Variants in WDR91 observed in about 807,000 individuals in gnomAD.
The protein encoded by WDR91 is WD repeat-containing protein 91.
A neutral mutation model predicts 88.4 loss-of-function variants in WDR91; 52 were observed. That is an observed-to-expected ratio of 0.59 (90% CI 0.47 to 0.74). The LOEUF (loss-of-function observed/expected upper bound fraction) is 0.74. Ranked by LOEUF, WDR91 falls within the 30% of genes least tolerant of loss-of-function variation. The probability of loss-of-function intolerance (pLI) is 0.00; values close to 1 mark genes in which losing one functional copy is unlikely to be tolerated. For synonymous variants in WDR91, 362 were observed against 389.5 expected, an observed-to-expected ratio of 0.93 and a Z score of 0.83; for missense variants, 824 against 954.5, an observed-to-expected ratio of 0.86 and a Z score of 1.80.
chr7:135,193,193 T>C (rs770541779), intron 11 of WDR91, 38 bp downstream of exon 11: 25 of 1,606,740 alleles, frequency 1.6e-5, no homozygotes, highest in Admixed American at 3.4e-5. Flanking sequence ...ACAGAGTGTG[T>C]GCCTGGCCCC....
rs114796975 is a variant in WDR91 at position 135,203,589 on chromosome 7, A to C, written c.891+679T>G. On this transcript the variant is annotated intron_variant, in intron 6 of 14. Coordinates refer to ENST00000354475, the MANE Select transcript of WDR91 (RefSeq NM_014149.4). ...ATCCTTTGCAGAATCAGCAAATACC[A>C]ACTTGTAGGCAAAATGCATGGATTC... 2.4e-3 allele frequency among the ~76,000 whole-genome samples: 359 copies of C among 152,330 alleles called. 2 individuals are homozygous for C. Among genetic ancestry groups the C allele is most frequent in the African/African-American group, 8.1e-3 (336 of 41,568 alleles).
At chr7:135,194,813 C>T in intron 9 of WDR91, 121 bp downstream of exon 9, 1 of 1,354,556 alleles carries the variant, frequency 7.4e-7, no homozygotes, top group African/African-American at 1.5e-5. Context: ...GTCCCTGAAT[C>T]CCCAATAATG....
chr7:135,203,945 C>G (rs1251830696), intron 6 of WDR91, among the ~76,000 whole-genome samples: 1 of 152,216 alleles, frequency 6.6e-6, no homozygotes, highest in Admixed American at 6.5e-5. Flanking sequence ...CAATCAAACA[C>G]CACAGTGCCT....
At chr7:135,200,916 C>G (rs1249692660) in intron 6 of WDR91, among the ~76,000 whole-genome samples, 1 of 152,152 alleles carries the variant, frequency 6.6e-6, no homozygotes, top group Admixed American at 6.5e-5. Context: ...GTAATTTGGT[C>G]TCACCTGAAG....
intron 6 of WDR91, among the ~76,000 whole-genome samples, chr7:135,201,285 G>T (rs936120756): frequency 9.9e-5 from 15 of 150,948 alleles, no homozygotes; most frequent in African/African-American, 3.7e-4. Context: ...CTATGGATGT[G>T]CCCTCCCGGC....
intron 6 of WDR91, among the ~76,000 whole-genome samples, chr7:135,201,051 T>C (rs535676510): frequency 6.6e-6 from 1 of 152,372 alleles, no homozygotes; most frequent in South Asian, 2.1e-4. Context: ...GACCACTTAC[T>C]TCTCAGTAAC....
At chr7:135,189,878 T>C (rs906195589) in intron 11 of WDR91, among the ~76,000 whole-genome samples, 2 of 152,118 alleles carry the variant, frequency 1.3e-5, no homozygotes, top group African/African-American at 4.8e-5. Context: ...CTCAGAAATA[T>C]AGTAGCAAAC....
At chr7:135,209,082 C>G in intron 2 of WDR91, 84 bp from the exon 3 acceptor site, 1 of 1,183,674 alleles carries the variant, frequency 8.4e-7, no homozygotes, top group Non-Finnish European at 1.2e-6. Context: ...CAGCAGACAA[C>G]CTTTGACTAT....
intron 8 of WDR91, among the ~76,000 whole-genome samples, chr7:135,195,670 G>A (rs56187205): frequency 0.013 from 2,010 of 152,276 alleles, 42 homozygotes; most frequent in African/African-American, 0.047. Flanking sequence ...AGAGAGGCCC[G>A]GTGCGGTGGC....
At chr7:135,186,421 A>G (rs1830944860) in intron 14 of WDR91, 106 bp from the exon 15 acceptor site, 1 of 1,188,872 alleles carries the variant, frequency 8.4e-7, no homozygotes, top group Non-Finnish European at 1.2e-6. Flanking sequence ...CCAGACACAC[A>G]TGCCCACCTT....
Position 135,186,134 on chromosome 7 carries a change from GCCCTTGGGGC to G in WDR91, c.*7_*16del, listed in dbSNP as rs1315729561. 8 of 1,572,072 alleles carry G rather than the reference GCCCTTGGGGC, an allele frequency of 5.1e-6. No individual in the cohort carries two copies. Among genetic ancestry groups the G allele is most frequent in the Non-Finnish European group, 6.9e-6 (8 of 1,163,696 alleles). On this transcript the variant is annotated 3_prime_UTR_variant, in exon 15 of 15. Coordinates refer to ENST00000354475, the MANE Select transcript of WDR91 (RefSeq NM_014149.4). ...GCAGATAATACTGCTTCCTCGGGTG[GCCCTTGGGGC>G]AAGTCATCAGGCTTTATGGGCCAGG...
chr7:135,193,561 G>A lies in WDR91; in HGVS notation c.1490+17C>T. On this transcript the variant is annotated intron_variant, in intron 10 of 14. Transcript: ENST00000354475. The stretch of plus-strand genomic sequence containing the variant: ...GCAGCCTGCGGCCTTGATGGTGGGG[G>A]GTAGGTTCCAGTTCACCTGGGCATG... 1 of 1,613,868 alleles carries A rather than the reference G, an allele frequency of 6.2e-7. No homozygotes were observed. The highest frequency in any genetic ancestry group is 8.5e-7 in the Non-Finnish European group (1 of 1,179,882).
rs202077644 is a variant in WDR91 at position 135,196,351 on chromosome 7, G to A, written c.1051-14C>T. The A allele has an allele frequency of 2.0e-4, 295 of 1,510,314 alleles. 3 individuals carry two copies. Among genetic ancestry groups the A allele is most frequent in the Non-Finnish European group, 3.8e-5 (43 of 1,127,418 alleles). The allele number at this position is 1,510,314 out of a possible 1,614,324, so 93.6% of individuals were successfully genotyped here. ...CTTCTCTGCACACTGTCACAAGCAG[G>A]GTGGGGACAAGTCAGCCAGGAAAGG... On this transcript the variant is annotated splice_polypyrimidine_tract_variant and intron_variant, in intron 7 of 14. Coordinates refer to ENST00000354475, the MANE Select transcript of WDR91 (RefSeq NM_014149.4). This position sits in a 1 kb window ranked among gnomAD's most constrained non-coding sequence, Gnocchi z 4.2.
chr7:135,193,241 A>G lies in WDR91; in HGVS notation c.1649T>C (p.Met550Thr). 6 of 1,613,932 alleles carry G rather than the reference A, an allele frequency of 3.7e-6. No individual in the cohort carries two copies. The highest frequency in any genetic ancestry group is 5.1e-6 in the Non-Finnish European group (6 of 1,180,016). The change falls in exon 11 of 15, where the codon ATG becomes ACG. Residue 550 changes from methionine (M) to threonine (T), a missense_variant. Met to Thr is a moderately conservative substitution (Grantham distance 81). Transcript: ENST00000354475. ...GRLLLWDTKT[M>T]KQQLQFSLDP... ...AGGGCAGGCCCGTACCTGCTGCTTC[A>G]TGGTTTTCGTGTCCCACAGCAGCAG...
rs1336897460 is a variant in WDR91 at position 135,208,813 on chromosome 7, C to T, written c.489G>A (p.Leu163=). 4 of 1,611,010 alleles carry T rather than the reference C, an allele frequency of 2.5e-6. No individual in the cohort carries two copies. The highest frequency in any genetic ancestry group is 3.4e-6 in the Non-Finnish European group (4 of 1,178,038). Residue 163 remains leucine, a synonymous_variant, in exon 3 of 15, where the codon CTG becomes CTA. Coordinates refer to ENST00000354475, the MANE Select transcript of WDR91 (RefSeq NM_014149.4). ...TATGCATGCACTGAAACAGGACGCT[C>T]AGGAAGTTGTGCAGGGACACAATGA... ...DTFIVSLHNF[L]SVLFQCMPVP...
chr7:135,194,704 C>T lies in WDR91; in HGVS notation c.1395+230G>A, dbSNP rs1281835994. Among the ~76,000 whole-genome samples the T allele has an allele frequency of 2.0e-5, 3 of 152,174 alleles. No individual in the cohort carries two copies. The East Asian group carries it at 5.8e-4, about 29-fold the overall frequency. ...CGGACCACCACAAACAGGAAGAAGCCGTGTGTTCCAGGCCCCCTGCAGCTC... is the reference window on the plus strand; with the variant it reads ...CGGACCACCACAAACAGGAAGAAGCTGTGTGTTCCAGGCCCCCTGCAGCTC... On this transcript the variant is annotated intron_variant, in intron 9 of 14. Coordinates refer to ENST00000354475, the MANE Select transcript of WDR91 (RefSeq NM_014149.4).
At chr7:135,197,949 T>A in intron 7 of WDR91, 44 bp downstream of exon 7, 1 of 1,591,918 alleles carries the variant, frequency 6.3e-7, no homozygotes, top group South Asian at 1.1e-5. Context: ...TGTTCCTCAG[T>A]AGCTGCATGA....
At chr7:135,202,888 A>T (rs142508) in intron 6 of WDR91, among the ~76,000 whole-genome samples, 105,465 of 152,100 alleles carry the variant, frequency 0.69, 37,335 homozygotes, top group Admixed American at 0.81. Flanking sequence ...CCCTCATGGC[A>T]GCTAAATTAC....
chr7:135,209,355 C>A, intron 2 of WDR91: 1 of 458,618 alleles, frequency 2.2e-6, no homozygotes, highest in Non-Finnish European at 3.7e-6. Context: ...ACATGCTTAA[C>A]ATAAAAAAGG....
Sources: allele counts gnomAD v4.1 joint callset (sites outside exome capture counted in the v4.1 genomes callset), GRCh38; gene constraint gnomAD v4.1.1; non-coding constraint Gnocchi (gnomAD v3.1); transcripts MANE v1.5; gene names NCBI Gene and HGNC (gene_info 2026-07-23, HGNC 2026-07-21).